Variants in MECOM observed in about 807,000 individuals in gnomAD.
The protein encoded by MECOM is histone-lysine N-methyltransferase MECOM.
Under a neutral mutation model 116.3 loss-of-function variants are expected in MECOM, and 13 were observed. The observed-to-expected ratio is 0.11, with a 90% CI of 0.07 to 0.18. MECOM has a LOEUF of 0.18. Among genes scored for constraint, MECOM ranks in the 10% least tolerant of loss-of-function variants. The pLI, the probability that MECOM is intolerant of heterozygous loss-of-function variation, is 1.00. For missense variants in MECOM, 1,299 were observed against 1,509.0 expected, an observed-to-expected ratio of 0.86 and a Z score of 2.31; for synonymous variants, 528 against 535.2, an observed-to-expected ratio of 0.99 and a Z score of 0.19.
chr3:169,619,589 A>G (rs1277713107), intron 1 of MECOM, among the ~76,000 whole-genome samples: 3 of 152,080 alleles, frequency 2.0e-5, no homozygotes, highest in Non-Finnish European at 2.9e-5. Context: ...CCTTAATTCC[A>G]AAGTCCCTTC....
chr3:169,106,887 G>T (rs527549885), intron 10 of MECOM, among the ~76,000 whole-genome samples: 16 of 152,256 alleles, frequency 1.1e-4, no homozygotes, highest in South Asian at 8.3e-4. Flanking sequence ...GCCTAAGTTA[G>T]TGGGTTGATC....
At chr3:169,510,117 A>C (rs1393755479) in intron 1 of MECOM, among the ~76,000 whole-genome samples, 1 of 152,240 alleles carries the variant, frequency 6.6e-6, no homozygotes, top group African/African-American at 2.4e-5. Flanking sequence ...TATATGCACA[A>C]GCTTTTCTGA....
At chr3:169,553,867 C>T (rs1159606294) in intron 1 of MECOM, among the ~76,000 whole-genome samples, 1 of 152,174 alleles carries the variant, frequency 6.6e-6, no homozygotes, top group East Asian at 1.9e-4. Context: ...TTAAGGTCCA[C>T]CCTAATGGCC....
At chr3:169,335,781 A>T (rs145159966) in intron 2 of MECOM, among the ~76,000 whole-genome samples, 39 of 152,262 alleles carry the variant, frequency 2.6e-4, no homozygotes, top group African/African-American at 9.4e-4. Flanking sequence ...AGTCAGTTTT[A>T]TGGGTAATTC....
chr3:169,085,743 C>G (rs906950776), intron 16 of MECOM, among the ~76,000 whole-genome samples: 7 of 152,298 alleles, frequency 4.6e-5, no homozygotes, highest in Middle Eastern at 3.4e-3. Flanking sequence ...GTCTGCTGAG[C>G]AGAAGGTGCA....
intron 3 of MECOM, among the ~76,000 whole-genome samples, chr3:169,132,287 G>T (rs1734962597): frequency 6.6e-6 from 1 of 152,180 alleles, no homozygotes; most frequent in African/African-American, 2.4e-5. Flanking sequence ...AAGCAGTGGA[G>T]CAAGTGTGGA....
intron 2 of MECOM, among the ~76,000 whole-genome samples, chr3:169,177,974 G>A (rs1412097515): frequency 6.6e-6 from 1 of 151,802 alleles, no homozygotes; most frequent in Non-Finnish European, 1.5e-5. Flanking sequence ...GTAGATATAC[G>A]CAAGATAAAA....
chr3:169,579,332 T>G (rs1764852669), intron 1 of MECOM, among the ~76,000 whole-genome samples: 3 of 152,128 alleles, frequency 2.0e-5, no homozygotes, highest in Non-Finnish European at 4.4e-5. Context: ...GCAGGAAGAT[T>G]TATCCATTCA....
chr3:169,515,238 A>G (rs1756481199), intron 1 of MECOM, among the ~76,000 whole-genome samples: 1 of 152,182 alleles, frequency 6.6e-6, no homozygotes, highest in South Asian at 2.1e-4. Flanking sequence ...ACCATAGGCC[A>G]GATCCTAAGG....
chr3:169,126,000 T>C (rs1399658528), intron 5 of MECOM, among the ~76,000 whole-genome samples: 4 of 152,122 alleles, frequency 2.6e-5, no homozygotes, highest in Admixed American at 6.6e-5. Context: ...GGCTAGATCA[T>C]ATAATTTATA....
intron 2 of MECOM, among the ~76,000 whole-genome samples, chr3:169,334,476 T>C (rs1723272501): frequency 6.6e-6 from 1 of 152,292 alleles, no homozygotes; most frequent in African/African-American, 2.4e-5. Context: ...AATTTGATTG[T>C]TCAGGATGGG....
intron 2 of MECOM, among the ~76,000 whole-genome samples, chr3:169,156,283 C>A (rs13324022): frequency 0.11 from 17,364 of 152,154 alleles, 2,437 homozygotes; most frequent in African/African-American, 0.33. Flanking sequence ...CTTATTCGAC[C>A]AGGCATCATC....
At chr3:169,175,714 G>A (rs1414863231) in intron 2 of MECOM, among the ~76,000 whole-genome samples, 5 of 152,090 alleles carry the variant, frequency 3.3e-5, no homozygotes, top group Non-Finnish European at 7.4e-5. Flanking sequence ...CTCCAGACCC[G>A]TCGCACAATG....
intron 1 of MECOM, among the ~76,000 whole-genome samples, chr3:169,543,152 C>A (rs1760304982): frequency 6.6e-6 from 1 of 152,128 alleles, no homozygotes; most frequent in African/African-American, 2.4e-5. Flanking sequence ...ATCAAGAAAC[C>A]AAATCACAGA....
intron 2 of MECOM, among the ~76,000 whole-genome samples, chr3:169,367,540 G>C (rs1729398266): frequency 6.6e-6 from 1 of 152,040 alleles, no homozygotes; most frequent in African/African-American, 2.4e-5. Context: ...GTATTTGCCT[G>C]TGTGTGTCGT....
chr3:169,650,034 C>A (rs1221068217), intron 1 of MECOM, among the ~76,000 whole-genome samples: 1 of 152,194 alleles, frequency 6.6e-6, no homozygotes, highest in Admixed American at 6.5e-5. Flanking sequence ...TAATCAACAA[C>A]ATCATTGCCA....
At chr3:169,653,955 G>A (rs1296790049) in intron 1 of MECOM, among the ~76,000 whole-genome samples, 2 of 152,188 alleles carry the variant, frequency 1.3e-5, no homozygotes, top group Non-Finnish European at 2.9e-5. Flanking sequence ...CAACAGCCAA[G>A]CTAAGGAATT....
chr3:169,314,528 T>G (rs913155702), intron 2 of MECOM, among the ~76,000 whole-genome samples: 6 of 152,226 alleles, frequency 3.9e-5, no homozygotes, highest in Non-Finnish European at 8.8e-5. Context: ...ACACTGATTT[T>G]CATTGTCTTA....
intron 2 of MECOM, among the ~76,000 whole-genome samples, chr3:169,193,076 GTC>G (rs1473724009): frequency 1.3e-5 from 2 of 151,978 alleles, no homozygotes; most frequent in Non-Finnish European, 2.9e-5. Flanking sequence ...AAAGTAGAAA[GTC>G]TGTAAAATAA....
Sources: gnomAD v4.1 joint callset for allele counts (sites outside exome capture counted in the v4.1 genomes callset) on GRCh38, gnomAD v4.1.1 for gene constraint, MANE v1.5 for transcripts, NCBI Gene and HGNC (gene_info 2026-07-23, HGNC 2026-07-21) for gene names.